The following MEOX1 variants were observed in gnomAD, a reference collection of about 807,000 sequenced individuals.
MEOX1 encodes mesenchyme homeobox 1.
In MEOX1, 17 loss-of-function variants were observed where a neutral mutation model predicts 23.2. The ratio of observed to expected loss-of-function variants is 0.73; its 90% CI spans 0.50 to 1.10. The LOEUF is 1.10. MEOX1 is among the 50% of genes least tolerant of loss of function. The probability of loss-of-function intolerance (pLI) is 0.00; values close to 1 mark genes in which losing one functional copy is unlikely to be tolerated. For missense variants in MEOX1, 333 were observed against 332.2 expected, an observed-to-expected ratio of 1.00 and a Z score of -0.02; for synonymous variants, 134 against 135.1, an observed-to-expected ratio of 0.99 and a Z score of 0.06.
chr17:43,645,001 T>A (rs1186843845), intron 1 of MEOX1, among the ~76,000 whole-genome samples: 2 of 151,876 alleles, frequency 1.3e-5, no homozygotes, highest in Non-Finnish European at 2.9e-5. Context: ...AGCAGACGGG[T>A]GGGAGGCAGC....
In MEOX1 at chr17:43,661,588, T is replaced by C. The variant is rs1466005052; in HGVS notation, c.-54A>G. The C allele has an allele frequency of 1.9e-6, 2 of 1,041,324 alleles. No individual in the cohort carries two copies. The highest frequency in any genetic ancestry group is 2.5e-6 in the Non-Finnish European group (2 of 793,702). 64.5% of individuals were successfully genotyped at this position (1,041,324 alleles called of 1,614,324 possible). On this transcript the variant is annotated 5_prime_UTR_variant, in exon 1 of 3. Transcript: ENST00000318579. ...TCAAAGATTTGATTCTTTATACTTT[T>C]TATGTTCAAATTTTTAAAAATGCAA...
chr17:43,651,313 C>T (rs948905971), intron 1 of MEOX1, among the ~76,000 whole-genome samples: 15 of 151,992 alleles, frequency 9.9e-5, no homozygotes, highest in Admixed American at 4.6e-4. Context: ...AGTGAGACTC[C>T]GTCTCAGAAA....
chr17:43,661,676 A>T lies in MEOX1; in HGVS notation c.-142T>A. 1.8e-6 allele frequency: 1 copy of T among 563,142 alleles called. No homozygotes were observed. The highest frequency in any genetic ancestry group is 3.0e-6 in the Non-Finnish European group (1 of 338,002). The allele number at this position is 563,142 out of a possible 1,614,324, so 34.9% of individuals were successfully genotyped here. ...AGAAAATTTACCCCAGGAACCAAAA[A>T]AAAAAAAAAACCCAAAACTAAAGTC... On this transcript the variant is annotated 5_prime_UTR_variant, in exon 1 of 3. Coordinates refer to ENST00000318579, the MANE Select transcript of MEOX1 (RefSeq NM_004527.4).
In MEOX1 at chr17:43,661,816, T is replaced by C. The variant is rs1003449906; in HGVS notation, c.-282A>G. 1 of 350,782 alleles carries C rather than the reference T, an allele frequency of 2.9e-6. No individual in the cohort carries two copies. Among genetic ancestry groups the C allele is most frequent in the Non-Finnish European group, 5.1e-6 (1 of 196,640 alleles). 21.7% of individuals were successfully genotyped at this position (350,782 alleles called of 1,614,324 possible). On this transcript the variant is annotated 5_prime_UTR_variant, in exon 1 of 3. Coordinates refer to ENST00000318579, the MANE Select transcript of MEOX1 (RefSeq NM_004527.4). ...AGCCTACCTACTGGGATCCCCTGTA[T>C]GTGTATTTGTCGCCAATGACACTAA...
chr17:43,650,053 A>G (rs939798410), intron 1 of MEOX1, among the ~76,000 whole-genome samples: 2 of 152,168 alleles, frequency 1.3e-5, no homozygotes, highest in Non-Finnish European at 2.9e-5. Flanking sequence ...TCTGTACTCT[A>G]CAGTCCAACT....
chr17:43,647,665 T>C (rs11079749), intron 1 of MEOX1, among the ~76,000 whole-genome samples: 45,933 of 151,864 alleles, frequency 0.3, 8,463 homozygotes, highest in African/African-American at 0.52. Flanking sequence ...GTCCCCCAAA[T>C]AACTTCCCCC....
chr17:43,644,815 C>T (rs1207130990), intron 1 of MEOX1, among the ~76,000 whole-genome samples: 2 of 152,130 alleles, frequency 1.3e-5, no homozygotes, highest in Non-Finnish European at 2.9e-5. Context: ...ACTTGGGAGG[C>T]TGAGGCAGGA....
At chr17:43,657,059 C>CTTTCTCTCTCTCTTTCT (rs1567748423) in intron 1 of MEOX1, among the ~76,000 whole-genome samples, 2 of 48,370 alleles carry the variant, frequency 4.1e-5, no homozygotes, top group African/African-American at 1.1e-4. Flanking sequence ...TCTTTCTTTC[C>CTTTCTCTCTCTCTTTCT]TTCCTTCCTT....
rs1373008773 is a variant in MEOX1, at chr17:43,661,104, G to A, written c.431C>T (p.Thr144Ile). 2 of 1,503,180 alleles carry A rather than the reference G, an allele frequency of 1.3e-6. No individual in the cohort carries two copies. The highest frequency in any genetic ancestry group is 1.4e-5 in the African/African-American group (1 of 70,998). The allele number at this position is 1,503,180 out of a possible 1,614,324, so 93.1% of individuals were successfully genotyped here. ...YGVLGSTANETEKKSSRRRKE... is the reference protein window; with the variant it reads ...YGVLGSTANEIEKKSSRRRKE... ...TCTCCGCCTGGATGATTTCTTCTCT[G>A]TCTCATTGGCAGTGCTCCCAAGCAC... Residue 144 changes from threonine (T) to isoleucine (I), a missense_variant, in exon 1 of 3, where the codon ACA becomes ATA. Physicochemically the swap from Thr to Ile is moderately conservative, Grantham distance 89 (BLOSUM62 -1). Transcript: ENST00000318579.
chr17:43,661,153 C>T lies in MEOX1; in HGVS notation c.382G>A (p.Gly128Arg), dbSNP rs1201643742. The T allele has an allele frequency of 6.3e-7, 1 of 1,578,010 alleles. No individual in the cohort carries two copies. Among genetic ancestry groups the T allele is most frequent in the Non-Finnish European group, 8.6e-7 (1 of 1,163,502 alleles). ...ACCCCGTAGTCATCGCCTGGGCCTC[C>T]TGTGGTGTCCACCAGGCCCAGGCTG... The part of the protein sequence containing the change: ...TSSLGLVDTT[G>R]GPGDDYGVLG... Residue 128 changes from glycine to arginine, a missense_variant, in exon 1 of 3, where the codon GGA becomes AGA. Physicochemically the swap from Gly to Arg is moderately radical, Grantham distance 125. Transcript: ENST00000318579.
At chr17:43,654,395 C>T (rs569834500) in intron 1 of MEOX1, among the ~76,000 whole-genome samples, 2 of 152,208 alleles carry the variant, frequency 1.3e-5, no homozygotes, top group East Asian at 3.9e-4. Flanking sequence ...GTAATCCCAG[C>T]TACTTGGGAG....
In MEOX1 at chr17:43,643,635, C is replaced by A. The variant is rs773733434; in HGVS notation, c.495G>T (p.Pro165=). ...SSDNQENRGK[P]EGSSKARKER... ...CCTTGCGGGCTTTGCTGCTGCCCTCCGGCTTCCCTCTGTTCTCCTGGTTGT... is the reference window on the plus strand; with the variant it reads ...CCTTGCGGGCTTTGCTGCTGCCCTCAGGCTTCCCTCTGTTCTCCTGGTTGT... Residue 165 remains proline (P), a synonymous_variant, in exon 2 of 3, where the codon CCG becomes CCT. Transcript: ENST00000318579. 3.7e-6 allele frequency: 6 copies of A among 1,613,228 alleles called. No homozygotes were observed. Among genetic ancestry groups the A allele is most frequent in the South Asian group, 2.2e-5 (2 of 90,752 alleles).
At chr17:43,648,109 G>GT (rs1972843818) in intron 1 of MEOX1, among the ~76,000 whole-genome samples, 2 of 152,352 alleles carry the variant, frequency 1.3e-5, no homozygotes, top group South Asian at 4.1e-4. Flanking sequence ...CTTGCATGCC[G>GT]TTTCTGGGAG....
intron 1 of MEOX1, among the ~76,000 whole-genome samples, chr17:43,652,570 G>A (rs1007096928): frequency 2.6e-5 from 4 of 152,140 alleles, no homozygotes; most frequent in Admixed American, 6.5e-5. Context: ...TTTCTCAGAA[G>A]AGACTCAGGG....
chr17:43,657,051 T>TTTCTTTCTTTCTTTCTTTC (rs769043105), intron 1 of MEOX1, among the ~76,000 whole-genome samples: 1 of 140,410 alleles, frequency 7.1e-6, no homozygotes. Flanking sequence ...TCTTTCTTTC[T>TTTCTTTCTTTCTTTCTTTC]TTCTTTCCTT....
At chr17:43,656,850 A>G (rs1283611694) in intron 1 of MEOX1, among the ~76,000 whole-genome samples, 1 of 152,004 alleles carries the variant, frequency 6.6e-6, no homozygotes, top group African/African-American at 2.4e-5. Flanking sequence ...TGTCCCTGCC[A>G]GCAGGGGTCT....
Position 43,640,587 on chromosome 17 carries a change from A to G in MEOX1, c.*1323T>C, listed in dbSNP as rs1427190116. ...GGTGGGGAGGTGGGGTTATTTTTAC[A>G]TGTGAATGATTACATCTGCGTACAA... On this transcript the variant is annotated 3_prime_UTR_variant, in exon 3 of 3. Transcript: ENST00000318579. 9 of 152,130 alleles carry G rather than the reference A, an allele frequency of 5.9e-5. No individual in the cohort carries two copies. 9.4% of individuals were successfully genotyped at this position (152,130 alleles called of 1,614,324 possible).
At chr17:43,649,290 CTT>C (rs10694288) in intron 1 of MEOX1, among the ~76,000 whole-genome samples, 6,714 of 85,726 alleles carry the variant, frequency 0.078, 111 homozygotes, top group African/African-American at 0.23. Context: ...GGCCTTTCAG[CTT>C]TTTTTTTTTT....
intron 1 of MEOX1, among the ~76,000 whole-genome samples, chr17:43,660,665 G>A (rs967154531): frequency 2.0e-5 from 3 of 152,186 alleles, no homozygotes; most frequent in Non-Finnish European, 4.4e-5. Flanking sequence ...CCTGGTAAGC[G>A]AGCCCTGTGG....
Sources: allele counts gnomAD v4.1 joint callset (sites outside exome capture counted in the v4.1 genomes callset), GRCh38; gene constraint gnomAD v4.1.1; transcripts MANE v1.5; gene names NCBI Gene and HGNC (gene_info 2026-07-23, HGNC 2026-07-21).